The following CACFD1 variants were observed in gnomAD, a reference collection of about 807,000 sequenced individuals.
The protein encoded by CACFD1 is calcium channel flower homolog.
Under a neutral mutation model 21.3 loss-of-function variants are expected in CACFD1, and 26 were observed. That is an observed-to-expected ratio of 1.22 (90% CI 0.89 to 1.69). The LOEUF (loss-of-function observed/expected upper bound fraction) is 1.69, where lower values mean the gene tolerates loss of function less well. Among genes scored for constraint, CACFD1 ranks in the 40% most tolerant of loss-of-function variants. The pLI is 0.00. For missense variants in CACFD1, 265 were observed against 236.2 expected (o/e 1.12, Z -0.80); for synonymous variants, 121 against 106.6 (o/e 1.13, Z -0.83).
At chr9:133,468,099 G>A (rs1843515935) in intron 4 of CACFD1, 71 bp downstream of exon 4, 1 of 1,314,398 alleles carries the variant, frequency 7.6e-7, no homozygotes, top group East Asian at 2.4e-5. Flanking sequence ...TCAGTGAGGA[G>A]GATCTGAGAG....
rs36075119 is a variant in CACFD1, at chr9:133,470,189, CTGTGTG to C, written c.*1568_*1573del. The C allele has an allele frequency of 0.11, 16,125 of 149,672 alleles. 838 individuals are homozygous for C. Among genetic ancestry groups the C allele is most frequent in the East Asian group, 0.19 (931 of 4,974 alleles). 9.3% of individuals were successfully genotyped at this position (149,672 alleles called of 1,614,324 possible). On this transcript the variant is annotated 3_prime_UTR_variant, in exon 5 of 5. Coordinates refer to ENST00000316948, the MANE Select transcript of CACFD1 (RefSeq NM_017586.5). Reference sequence around the variant, plus strand: ...TCAGGCCAGTGCTGGGTTCAAAGGGCTGTGTGTGTGTGTGTGTGTGTGTGTGTGTGT... The same window carrying C: ...TCAGGCCAGTGCTGGGTTCAAAGGGCTGTGTGTGTGTGTGTGTGTGTGTGT...
In CACFD1 at chr9:133,463,314, G is replaced by A. The variant is rs143752271; in HGVS notation, c.122-169G>A. Reference sequence around the variant, plus strand: ...CAAGCAAGGCACTGCACCTCTCTGCGTCTCCTCACCTGTCTCAGACGATAG... The same window carrying A: ...CAAGCAAGGCACTGCACCTCTCTGCATCTCCTCACCTGTCTCAGACGATAG... On this transcript the variant is annotated intron_variant, in intron 1 of 4. Coordinates refer to ENST00000316948, the MANE Select transcript of CACFD1 (RefSeq NM_017586.5). 8.2e-4 allele frequency: 694 copies of A among 841,754 alleles called. 5 individuals are homozygous for A. In the African/African-American group the frequency reaches 0.011, roughly 13 times the overall value. The allele number at this position is 841,754 out of a possible 1,614,324, so 52.1% of individuals were successfully genotyped here.
rs1250780262 is a variant in CACFD1, at chr9:133,460,201, CG to C, written c.121+18del. The C allele has an allele frequency of 6.6e-7, 1 of 1,521,220 alleles. No individual in the cohort carries two copies. Among genetic ancestry groups the C allele is most frequent in the East Asian group, 2.7e-5 (1 of 37,526 alleles). 94.2% of individuals were successfully genotyped at this position (1,521,220 alleles called of 1,614,324 possible). On this transcript the variant is annotated intron_variant, in intron 1 of 4. Transcript: ENST00000316948. Reference sequence around the variant, plus strand: ...TGGGGGCAGTCTGTGAGTATCCAGTCGGGGAGAGGGGCCGGCCCCGCCGCGC... The same window carrying C: ...TGGGGGCAGTCTGTGAGTATCCAGTCGGGAGAGGGGCCGGCCCCGCCGCGC...
At position 133,469,030 on chromosome 9, in the gene CACFD1, C is replaced by T. The variant is rs1050310864; in HGVS notation, c.*377C>T. 2 of 294,386 alleles carry T rather than the reference C, an allele frequency of 6.8e-6. No individual in the cohort carries two copies. Among genetic ancestry groups the T allele is most frequent in the African/African-American group, 4.3e-5 (2 of 46,202 alleles). 18.2% of individuals were successfully genotyped at this position (294,386 alleles called of 1,614,324 possible). On this transcript the variant is annotated 3_prime_UTR_variant, in exon 5 of 5. Transcript: ENST00000316948. ...GGGAGGGGCAAGTGGGACCCTGCCA[C>T]CTGGGCACTGAGCAGAGGGACCTCC...
chr9:133,461,734 G>C (rs910645249), intron 1 of CACFD1: 21 of 313,304 alleles, frequency 6.7e-5, no homozygotes, highest in Non-Finnish European at 9.3e-5. Flanking sequence ...GGAGAAACTT[G>C]TGGCATTGCC....
chr9:133,460,203 G>T lies in CACFD1; in HGVS notation c.121+16G>T. 6.6e-7 allele frequency: 1 copy of T among 1,523,836 alleles called. No homozygotes were observed. The highest frequency in any genetic ancestry group is 1.2e-5 in the South Asian group (1 of 81,782). 94.4% of individuals were successfully genotyped at this position (1,523,836 alleles called of 1,614,324 possible). The stretch of plus-strand genomic sequence containing the variant: ...GGGGCAGTCTGTGAGTATCCAGTCG[G>T]GGAGAGGGGCCGGCCCCGCCGCGCA... On this transcript the variant is annotated intron_variant, in intron 1 of 4. Coordinates refer to ENST00000316948, the MANE Select transcript of CACFD1 (RefSeq NM_017586.5).
At chr9:133,468,170 G>C in intron 4 of CACFD1, 142 bp downstream of exon 4, 1 of 1,058,330 alleles carries the variant, frequency 9.4e-7, no homozygotes, top group South Asian at 1.6e-5. Flanking sequence ...GGTGCCTCCA[G>C]GGCTCAGCTC....
In CACFD1 at chr9:133,465,264, C is replaced by T. The variant is rs183039213; in HGVS notation, c.195-58C>T. 6.7e-3 allele frequency: 10,800 copies of T among 1,603,154 alleles called. 43 individuals carry two copies. Among genetic ancestry groups the T allele is most frequent in the Middle Eastern group, 0.011 (53 of 4,812 alleles). On this transcript the variant is annotated intron_variant, in intron 2 of 4. Transcript: ENST00000316948. The surrounding 1 kb of genome is among the most constrained non-coding windows in gnomAD (Gnocchi z 5.0). The stretch of plus-strand genomic sequence containing the variant: ...TCCTTATGGCACTGGCACTGGGGGC[C>T]GCCCTCATCCTCCTGGGATTGTCAG...
Position 133,467,930 on chromosome 9 carries a change from C to T in CACFD1, c.330C>T (p.Val110=), listed in dbSNP as rs143531436. ...QKAVFYCGMA[V]VPIVISLTLT... The stretch of plus-strand genomic sequence containing the variant: ...TCTGCTTTCCCCCCAGGATGGCGGT[C>T]GTTCCCATCGTCATCAGCCTGACCC... Residue 110 remains valine (V), a synonymous_variant, in exon 4 of 5, where the codon GTC becomes GTT. Coordinates refer to ENST00000316948, the MANE Select transcript of CACFD1 (RefSeq NM_017586.5). 3.7e-3 allele frequency: 5,934 copies of T among 1,612,130 alleles called. 17 individuals carry two copies. Among genetic ancestry groups the T allele is most frequent in the Non-Finnish European group, 4.6e-3 (5,370 of 1,179,452 alleles).
chr9:133,465,727 G>C lies in CACFD1; in HGVS notation c.320+280G>C. On this transcript the variant is annotated intron_variant, in intron 3 of 4. Transcript: ENST00000316948. This position sits in a 1 kb window ranked among gnomAD's most constrained non-coding sequence, Gnocchi z 5.0. ...CATCCGTGCAGTGGAGAGAAAGTGG[G>C]AAGCGTCTGGAATTTTGGTCCGTCC... 1 of 368,014 alleles carries C rather than the reference G, an allele frequency of 2.7e-6. No individual in the cohort carries two copies. The highest frequency in any genetic ancestry group is 3.7e-5 in the South Asian group (1 of 26,808). The allele number at this position is 368,014 out of a possible 1,614,324, so 22.8% of individuals were successfully genotyped here.
chr9:133,460,217 C>A, intron 1 of CACFD1, 30 bp downstream of exon 1: 1 of 1,503,936 alleles, frequency 6.6e-7, no homozygotes, highest in Admixed American at 2.1e-5. Context: ...GAGGGGCCGG[C>A]CCCGCCGCGC....
chr9:133,461,586 C>T (rs1464609030), intron 1 of CACFD1, among the ~76,000 whole-genome samples: 2 of 152,194 alleles, frequency 1.3e-5, no homozygotes, highest in South Asian at 2.1e-4. Flanking sequence ...GCCACACCTC[C>T]TTCCTTCTTG....
rs1194268911 is a variant in CACFD1, at chr9:133,468,723, T to C, written c.*70T>C. ...GTGGGTCCAAGTGAGGCCTGGACTG[T>C]CCACGCTGAGGCACAGCCTGGAGAG... On this transcript the variant is annotated 3_prime_UTR_variant, in exon 5 of 5. Coordinates refer to ENST00000316948, the MANE Select transcript of CACFD1 (RefSeq NM_017586.5). The C allele has an allele frequency of 6.7e-7, 1 of 1,487,266 alleles. No homozygotes were observed. Among genetic ancestry groups the C allele is most frequent in the Admixed American group, 2.2e-5 (1 of 45,110 alleles). 92.1% of individuals were successfully genotyped at this position (1,487,266 alleles called of 1,614,324 possible).
rs376649019 is a variant in CACFD1, at chr9:133,468,660, G to A, written c.*7G>A. 8.8e-4 allele frequency: 1,378 copies of A among 1,563,956 alleles called. 17 individuals carry two copies. The highest frequency in any genetic ancestry group is 4.3e-4 in the Middle Eastern group (2 of 4,664). ...CCTGGAGGGGGAGCTGTGAAGGGCT[G>A]GGCGCCCCTCCCTCCCTGTCCCCTC... is the stretch of plus-strand genomic sequence containing the variant. On this transcript the variant is annotated 3_prime_UTR_variant, in exon 5 of 5. Coordinates refer to ENST00000316948, the MANE Select transcript of CACFD1 (RefSeq NM_017586.5).
chr9:133,460,288 C>T (rs1430558530), intron 1 of CACFD1, 101 bp downstream of exon 1: 25 of 1,138,488 alleles, frequency 2.2e-5, no homozygotes, highest in Non-Finnish European at 2.6e-5. Flanking sequence ...AAAGGACCCG[C>T]TGGGGGTCGG....
chr9:133,460,318 C>A lies in CACFD1; in HGVS notation c.121+131C>A, dbSNP rs1024390788. ...GGTCGGGGGTCTGCCGGGCGCCTCC[C>A]GGGGCGGAGGAATGGCGGGGCCGCC... On this transcript the variant is annotated intron_variant, in intron 1 of 4. Coordinates refer to ENST00000316948, the MANE Select transcript of CACFD1 (RefSeq NM_017586.5). 3.8e-5 allele frequency: 32 copies of A among 852,552 alleles called. No individual in the cohort carries two copies. In the African/African-American group the frequency reaches 5.6e-4, roughly 15 times the overall value. The allele number at this position is 852,552 out of a possible 1,614,324, so 52.8% of individuals were successfully genotyped here. A position where few individuals can be genotyped will look rare whatever the true frequency, so the allele number is the denominator to read the frequency against.
chr9:133,460,489 G>C, intron 1 of CACFD1, among the ~76,000 whole-genome samples: 1 of 125,256 alleles, frequency 8.0e-6, no homozygotes, highest in Non-Finnish European at 2.0e-5. Context: ...GCGGGGGTGG[G>C]GCACCGGCCT....
Position 133,460,083 on chromosome 9 carries a change from G to C in CACFD1, c.17G>C (p.Gly6Ala). 1 of 1,562,548 alleles carries C rather than the reference G, an allele frequency of 6.4e-7. No individual in the cohort carries two copies. The highest frequency in any genetic ancestry group is 8.7e-7 in the Non-Finnish European group (1 of 1,153,584). MSSSGGAPGASASSAP... is the reference protein window; with the variant it reads MSSSGAAPGASASSAP... ...GGTGGCACCATGAGCAGCTCAGGTGGGGCGCCCGGGGCGTCCGCCAGCTCT... is the reference window on the plus strand; with the variant it reads ...GGTGGCACCATGAGCAGCTCAGGTGCGGCGCCCGGGGCGTCCGCCAGCTCT... Residue 6 changes from glycine to alanine, a missense_variant, in exon 1 of 5, where the codon GGG (glycine) becomes GCG (alanine). By Grantham distance (60) the Gly-to-Ala change is moderately conservative. Transcript: ENST00000316948.
chr9:133,468,718 G>A lies in CACFD1; in HGVS notation c.*65G>A. ...TCTGTGTGGGTCCAAGTGAGGCCTGGACTGTCCACGCTGAGGCACAGCCTG... is the reference window on the plus strand; with the variant it reads ...TCTGTGTGGGTCCAAGTGAGGCCTGAACTGTCCACGCTGAGGCACAGCCTG... On this transcript the variant is annotated 3_prime_UTR_variant, in exon 5 of 5. Transcript: ENST00000316948. 1 of 1,503,644 alleles carries A rather than the reference G, an allele frequency of 6.7e-7. No homozygotes were observed. The highest frequency in any genetic ancestry group is 8.9e-7 in the Non-Finnish European group (1 of 1,127,244). 93.1% of individuals were successfully genotyped at this position (1,503,644 alleles called of 1,614,324 possible).
Sources: gnomAD v4.1 joint callset for allele counts (sites outside exome capture counted in the v4.1 genomes callset) on GRCh38, gnomAD v4.1.1 for gene constraint, Gnocchi (gnomAD v3.1) non-coding constraint, MANE v1.5 for transcripts, NCBI Gene and HGNC (gene_info 2026-07-23, HGNC 2026-07-21) for gene names.